The following SCAMP1 variants were observed in gnomAD, a reference collection of about 807,000 sequenced individuals.
SCAMP1 encodes the protein secretory carrier-associated membrane protein 1.
In SCAMP1, 15 loss-of-function variants were observed where a neutral mutation model predicts 41.8. The observed-to-expected ratio is 0.36, with a 90% CI of 0.24 to 0.55. The LOEUF (loss-of-function observed/expected upper bound fraction) is 0.55, where lower values mean the gene tolerates loss of function less well. Ranked by LOEUF, SCAMP1 falls within the 20% of genes least tolerant of loss-of-function variation. The pLI, the probability that SCAMP1 is intolerant of heterozygous loss-of-function variation, is 0.86. For synonymous variants in SCAMP1, 135 were observed against 136.8 expected, an observed-to-expected ratio of 0.99 and a Z score of 0.09; for missense variants, 341 against 412.6, an observed-to-expected ratio of 0.83 and a Z score of 1.50.
At chr5:78,423,016 GCACACACACACA>G (rs57059961) in intron 6 of SCAMP1, among the ~76,000 whole-genome samples, 4,354 of 33,380 alleles carry the variant, frequency 0.13, 230 homozygotes, top group East Asian at 0.45. Flanking sequence ...ACGCGCGCGC[GCACACACACACA>G]CACACACACA....
rs976546393 is a variant in SCAMP1, at chr5:78,390,600, T to C, written c.135+1686T>C. ...TAACTTGATTTCTAGGAGGTGGAGATGGGAACAAGACCATTTTTAAACTTT... is the reference window on the plus strand; with the variant it reads ...TAACTTGATTTCTAGGAGGTGGAGACGGGAACAAGACCATTTTTAAACTTT... On this transcript the variant is annotated intron_variant, in intron 2 of 8. Coordinates refer to ENST00000621999, the MANE Select transcript of SCAMP1 (RefSeq NM_004866.6). Among the ~76,000 whole-genome samples, 4 of 152,088 alleles carry C rather than the reference T, an allele frequency of 2.6e-5. No individual in the cohort carries two copies. In the East Asian group the frequency reaches 7.7e-4, roughly 29 times the overall value.
chr5:78,426,434 C>G (rs989320989), intron 6 of SCAMP1, among the ~76,000 whole-genome samples: 1 of 152,230 alleles, frequency 6.6e-6, no homozygotes, highest in African/African-American at 2.4e-5. Context: ...CCTATTTCTC[C>G]ATGGCCTTGC....
intron 1 of SCAMP1, among the ~76,000 whole-genome samples, chr5:78,369,492 G>T (rs886370117): frequency 6.6e-6 from 1 of 152,130 alleles, no homozygotes; most frequent in Non-Finnish European, 1.5e-5. Context: ...GTAACATCAA[G>T]TATCACTGAT....
At chr5:78,371,965 A>C (rs1386218546) in intron 1 of SCAMP1, among the ~76,000 whole-genome samples, 1 of 152,212 alleles carries the variant, frequency 6.6e-6, no homozygotes, top group African/African-American at 2.4e-5. Context: ...GATAATTATA[A>C]CTTGATTGAT....
At chr5:78,474,725 T>A (rs533296895) in intron 8 of SCAMP1, among the ~76,000 whole-genome samples, 25 of 152,210 alleles carry the variant, frequency 1.6e-4, no homozygotes, top group Admixed American at 1.4e-3. Context: ...CTGCGAAGTT[T>A]GTGGGCATAT....
At chr5:78,447,875 A>G (rs191934542) in intron 6 of SCAMP1, among the ~76,000 whole-genome samples, 4 of 23,090 alleles carry the variant, frequency 1.7e-4, no homozygotes, top group Admixed American at 4.7e-4. Flanking sequence ...CCCTTCCCCT[A>G]CCCCTTCCTC....
intron 2 of SCAMP1, among the ~76,000 whole-genome samples, chr5:78,401,501 A>G (rs1488961662): frequency 1.3e-5 from 2 of 152,150 alleles, no homozygotes; most frequent in East Asian, 3.8e-4. Flanking sequence ...TTGAGGCAAT[A>G]TCTTTAATAA....
intron 8 of SCAMP1, among the ~76,000 whole-genome samples, chr5:78,470,451 C>T (rs1753859187): frequency 6.6e-6 from 1 of 152,114 alleles, no homozygotes; most frequent in South Asian, 2.1e-4. Flanking sequence ...TCTTTCATTA[C>T]CATAATGTTT....
chr5:78,366,932 A>C (rs541566413), intron 1 of SCAMP1, among the ~76,000 whole-genome samples: 32 of 151,918 alleles, frequency 2.1e-4, no homozygotes, highest in African/African-American at 7.5e-4. Context: ...AAAAAAAAAA[A>C]AAAAACCCAA....
At chr5:78,432,386 C>T (rs1341564170) in intron 6 of SCAMP1, among the ~76,000 whole-genome samples, 5 of 152,032 alleles carry the variant, frequency 3.3e-5, no homozygotes, top group African/African-American at 9.7e-5. Flanking sequence ...TAGAACAGGT[C>T]TGCTAATAAT....
intron 6 of SCAMP1, among the ~76,000 whole-genome samples, chr5:78,431,256 A>G (rs184234872): frequency 6.6e-6 from 1 of 151,914 alleles, no homozygotes; most frequent in Non-Finnish European, 1.5e-5. Context: ...AAATGCTTCA[A>G]AATATTCAAA....
rs562762655 is a variant in SCAMP1, at chr5:78,423,679, T to C, written c.632+1719T>C. Among the ~76,000 whole-genome samples, 9 of 147,894 alleles carry C rather than the reference T, an allele frequency of 6.1e-5. No individual in the cohort carries two copies. In the East Asian group the frequency reaches 1.4e-3, roughly 22 times the overall value. ...TTCCTGAAGTCACTTGGTATCTTTT[T>C]TTTTTCCCCCATTTTGGCAGTTGAA... On this transcript the variant is annotated intron_variant, in intron 6 of 8. Transcript: ENST00000621999.
In SCAMP1 at chr5:78,404,115, C is replaced by CA. The variant is rs34209617; in HGVS notation, c.136-11387dup. Among the ~76,000 whole-genome samples the CA allele has an allele frequency of 8.2e-4, 102 of 124,532 alleles. 2 individuals carry two copies. The East Asian group carries it at 9.7e-3, about 12-fold the overall frequency. The allele number at this position is 124,532 out of a possible 152,430, so 81.7% of individuals were successfully genotyped here. On this transcript the variant is annotated intron_variant, in intron 2 of 8. Coordinates refer to ENST00000621999, the MANE Select transcript of SCAMP1 (RefSeq NM_004866.6). ...TGAGTGACAAAGTGAGACCCTGTCT[C>CA]AAAAAAAAAAAAAAAAAAGGGTTTT... is the stretch of plus-strand genomic sequence containing the variant.
At chr5:78,469,913 C>CAAAAAAAAAAAAAAAAAA (rs1561290939) in intron 8 of SCAMP1, among the ~76,000 whole-genome samples, 27 of 23,192 alleles carry the variant, frequency 1.2e-3, no homozygotes, top group East Asian at 1.6e-3. Flanking sequence ...AAAAAAAAAA[C>CAAAAAAAAAAAAAAAAAA]AAAAAAAAAA....
At chr5:78,374,957 A>G (rs899601748) in intron 1 of SCAMP1, among the ~76,000 whole-genome samples, 1 of 152,090 alleles carries the variant, frequency 6.6e-6, no homozygotes, top group Non-Finnish European at 1.5e-5. Context: ...TTGTTGAGAG[A>G]TTTTTAATGG....
At position 78,443,653 on chromosome 5, in the gene SCAMP1, C is replaced by CTTTTTTTTT. The variant is rs71613955; in HGVS notation, c.633-6264_633-6256dup. On this transcript the variant is annotated intron_variant, in intron 6 of 8. Coordinates refer to ENST00000621999, the MANE Select transcript of SCAMP1 (RefSeq NM_004866.6). ...TTAGCCAGACTAGTGAGTGGTTTTG[C>CTTTTTTTTT]TTTTTTTTTTTTTTTTTTTTTTTTG... is the stretch of plus-strand genomic sequence containing the variant. Among the ~76,000 whole-genome samples, 73 of 71,956 alleles carry CTTTTTTTTT rather than the reference C, an allele frequency of 1.0e-3. 4 individuals carry two copies. Among genetic ancestry groups the CTTTTTTTTT allele is most frequent in the African/African-American group, 2.0e-3 (35 of 17,296 alleles). The allele number at this position is 71,956 out of a possible 152,430, so 47.2% of individuals were successfully genotyped here.
chr5:78,475,676 C>T lies in SCAMP1; in HGVS notation c.*8C>T, dbSNP rs189430102. On this transcript the variant is annotated 3_prime_UTR_variant, in exon 9 of 9. Transcript: ENST00000621999. The stretch of plus-strand genomic sequence containing the variant: ...AAGGGTAACCAGATTTAAGAATCTT[C>T]AAACAATACACTGTTACCTTTTGAC... The T allele has an allele frequency of 4.1e-3, 6,148 of 1,517,072 alleles. 21 individuals carry two copies. Among genetic ancestry groups the T allele is most frequent in the Admixed American group, 5.4e-3 (231 of 42,458 alleles). 94.0% of individuals were successfully genotyped at this position (1,517,072 alleles called of 1,614,324 possible).
chr5:78,444,421 C>T (rs980191288), intron 6 of SCAMP1, among the ~76,000 whole-genome samples: 7 of 152,240 alleles, frequency 4.6e-5, no homozygotes, highest in Non-Finnish European at 8.8e-5. Flanking sequence ...CTTTATAAAA[C>T]CATGCAGTCT....
intron 6 of SCAMP1, among the ~76,000 whole-genome samples, chr5:78,434,491 A>G (rs932559866): frequency 6.6e-6 from 1 of 152,102 alleles, no homozygotes; most frequent in Non-Finnish European, 1.5e-5. Context: ...AGACACAGAT[A>G]CATTTACTTG....
Sources: allele counts gnomAD v4.1 joint callset (sites outside exome capture counted in the v4.1 genomes callset), GRCh38; gene constraint gnomAD v4.1.1; transcripts MANE v1.5; gene names NCBI Gene and HGNC (gene_info 2026-07-23, HGNC 2026-07-21).